The following DNAH8 variants were observed in gnomAD, a reference collection of about 807,000 sequenced individuals.
DNAH8 encodes axonemal beta dynein heavy chain 8.
A neutral mutation model predicts 562.1 loss-of-function variants in DNAH8; 382 were observed. That is an observed-to-expected ratio of 0.68 (90% CI 0.63 to 0.74). The LOEUF is 0.74. DNAH8 is among the 30% of genes least tolerant of loss of function. The probability of loss-of-function intolerance (pLI) is 0.00; values close to 1 mark genes in which losing one functional copy is unlikely to be tolerated. For missense variants in DNAH8, 5,203 were observed against 5,620.4 expected (o/e 0.93, Z 2.37); for synonymous variants, 1,881 against 1,919.4 (o/e 0.98, Z 0.52).
At chr6:38,813,908 AG>A in intron 24 of DNAH8, 145 bp from the exon 25 acceptor site, 1 of 667,790 alleles carries the variant, frequency 1.5e-6, no homozygotes, top group East Asian at 2.7e-5. Flanking sequence ...TCTGCAATTT[AG>A]GGTTCTGTTA....
Position 38,873,225 on chromosome 6 carries a change from C to G in DNAH8, c.7480-11C>G, listed in dbSNP as rs1385429290. 6.2e-7 allele frequency: 1 copy of G among 1,612,470 alleles called. No homozygotes were observed. Among genetic ancestry groups the G allele is most frequent in the East Asian group, 2.2e-5 (1 of 44,848 alleles). ...TTCTCAATAAACACAGATTCTGTTT[C>G]TTTGTTGCAGGCATGGTTGAAGAAA... On this transcript the variant is annotated splice_polypyrimidine_tract_variant and intron_variant, in intron 51 of 92. Transcript: ENST00000327475.
intron 8 of DNAH8, 90 bp downstream of exon 8, chr6:38,741,977 G>A (rs1764552899): frequency 9.2e-7 from 1 of 1,081,540 alleles, no homozygotes; most frequent in Non-Finnish European, 1.3e-6. Flanking sequence ...ATAATATACT[G>A]GAATCGTGTT....
At chr6:38,811,728 T>C (rs1456745781) in intron 24 of DNAH8, among the ~76,000 whole-genome samples, 5 of 152,224 alleles carry the variant, frequency 3.3e-5, no homozygotes, top group Admixed American at 2.0e-4. Context: ...CTTAGACATA[T>C]TCACGCATAC....
intron 11 of DNAH8, 141 bp downstream of exon 11, chr6:38,761,944 T>C (rs1364770096): frequency 4.2e-6 from 2 of 481,362 alleles, no homozygotes; most frequent in African/African-American, 4.1e-5. Flanking sequence ...ACAATTCTTA[T>C]TATCTATTTC....
chr6:38,809,467 G>C (rs1771599927), intron 24 of DNAH8, among the ~76,000 whole-genome samples: 1 of 152,156 alleles, frequency 6.6e-6, no homozygotes, highest in Non-Finnish European at 1.5e-5. Context: ...TTAATTAGTT[G>C]ACCAAGCAAA....
At chr6:38,968,929 T>C (rs1373706101) in intron 82 of DNAH8, among the ~76,000 whole-genome samples, 1 of 152,224 alleles carries the variant, frequency 6.6e-6, no homozygotes, top group Non-Finnish European at 1.5e-5. Flanking sequence ...GGTATATCCA[T>C]GCTGTGAACT....
At chr6:38,938,711 C>T in intron 78 of DNAH8, 87 bp from the exon 79 acceptor site, 1 of 894,302 alleles carries the variant, frequency 1.1e-6, no homozygotes, top group Non-Finnish European at 1.7e-6. Flanking sequence ...TACCGACGTA[C>T]AAACCTTCAT....
chr6:38,748,980 T>C (rs1765191137), intron 8 of DNAH8, among the ~76,000 whole-genome samples: 1 of 151,968 alleles, frequency 6.6e-6, no homozygotes, highest in East Asian at 1.9e-4. Context: ...GGTGATGTTT[T>C]GGCTTTTCTC....
At chr6:38,804,473 C>G (rs896632043) in intron 22 of DNAH8, among the ~76,000 whole-genome samples, 4 of 151,992 alleles carry the variant, frequency 2.6e-5, no homozygotes, top group Admixed American at 6.6e-5. Flanking sequence ...AGTCACGATC[C>G]CTGTTTACTA....
At chr6:38,951,709 G>A (rs963376542) in intron 82 of DNAH8, among the ~76,000 whole-genome samples, 189 bp downstream of exon 82, 1 of 151,988 alleles carries the variant, frequency 6.6e-6, no homozygotes, top group Non-Finnish European at 1.5e-5. Context: ...TCTTTGTTTA[G>A]AGAAGAACAT....
At position 38,973,661 on chromosome 6, in the gene DNAH8, G is replaced by A. The variant is rs1344978723; in HGVS notation, c.12526G>A (p.Gly4176Ser). The A allele has an allele frequency of 1.3e-6, 2 of 1,585,934 alleles. No individual in the cohort carries two copies. The highest frequency in any genetic ancestry group is 1.9e-5 in the Admixed American group (1 of 53,424). The change falls in exon 84 of 93, where the codon GGT (glycine) becomes AGT (serine). Residue 4176 changes from glycine (G) to serine (S), a missense_variant and splice_region_variant. Physicochemically the swap from Gly to Ser is moderately conservative, Grantham distance 56. Coordinates refer to ENST00000327475, the MANE Select transcript of DNAH8 (RefSeq NM_001206927.2). ...AATATGAACTTATTTTTGGATACAG[G>A]GTGGTTGGGTATTACTACAAAATTG... ...RKLIQMSMQQGGWVLLQNCHL... is the reference protein window; with the variant it reads ...RKLIQMSMQQSGWVLLQNCHL...
At chr6:38,761,114 TTTA>T (rs1210943729) in intron 10 of DNAH8, among the ~76,000 whole-genome samples, 7 of 150,502 alleles carry the variant, frequency 4.7e-5, no homozygotes, top group African/African-American at 1.7e-4. Flanking sequence ...TATTTTAAAT[TTTA>T]TTATTATTAT....
rs1053265759 is a variant in DNAH8, at chr6:38,801,389, C to A, written c.2902-1790C>A. Among the ~76,000 whole-genome samples the A allele has an allele frequency of 7.9e-5, 12 of 152,234 alleles. No individual in the cohort carries two copies. The South Asian group carries it at 2.5e-3, about 32-fold the overall frequency. On this transcript the variant is annotated intron_variant, in intron 21 of 92. Transcript: ENST00000327475. ...ATTTGTTTTGTGGGTATATTCTTTT[C>A]AAAAGATTACTGTATGTTATTTTGT...
At chr6:39,001,029 T>C (rs1765446684) in intron 88 of DNAH8, among the ~76,000 whole-genome samples, 1 of 152,006 alleles carries the variant, frequency 6.6e-6, no homozygotes, top group South Asian at 2.1e-4. Context: ...AGGAAGGGAA[T>C]GCAAACATGA....
At chr6:38,845,844 G>A in intron 36 of DNAH8, 71 bp downstream of exon 36, 2 of 1,299,106 alleles carry the variant, frequency 1.5e-6, no homozygotes, top group Non-Finnish European at 2.2e-6. Flanking sequence ...TAAAAGCTCA[G>A]TTTTAAAGCT....
At chr6:38,749,063 G>A (rs1398465654) in intron 8 of DNAH8, among the ~76,000 whole-genome samples, 1 of 151,956 alleles carries the variant, frequency 6.6e-6, no homozygotes, top group African/African-American at 2.4e-5. Flanking sequence ...TGTTGTGTGT[G>A]TCCCAAGTAG....
At chr6:38,986,269 C>T (rs1015945017) in intron 87 of DNAH8, among the ~76,000 whole-genome samples, 2 of 152,148 alleles carry the variant, frequency 1.3e-5, no homozygotes, top group African/African-American at 2.4e-5. Context: ...GCATATAATG[C>T]AGCACTTAGA....
Position 38,770,474 on chromosome 6 carries a change from C to G in DNAH8, c.1679C>G (p.Ser560Ter). The change falls in exon 12 of 93, where the codon TCA (serine) becomes TGA (stop). Residue 560 changes from serine (S) to a stop codon, truncating the protein, a stop_gained. Transcript: ENST00000327475. LOFTEE classifies it high-confidence loss of function. ...TTTCATAAAACAAGGAAACTGATTT[C>G]AGAATCCTCAGGGGAAAAATCTTTT... is the stretch of plus-strand genomic sequence containing the variant. ...ASFHKTRKLISESSGEKSFEV... is the reference protein window; with the variant it reads ...ASFHKTRKLI The G allele has an allele frequency of 6.2e-7, 1 of 1,607,870 alleles. No individual in the cohort carries two copies.
chr6:38,928,610 A>G (rs1184052191), intron 74 of DNAH8, among the ~76,000 whole-genome samples: 1 of 152,184 alleles, frequency 6.6e-6, no homozygotes, highest in East Asian at 1.9e-4. Flanking sequence ...TATATTTCAT[A>G]TCTTCTTTTT....
Sources: gnomAD v4.1 joint callset for allele counts (sites outside exome capture counted in the v4.1 genomes callset) on GRCh38, gnomAD v4.1.1 for gene constraint, MANE v1.5 for transcripts, NCBI Gene and HGNC (gene_info 2026-07-23, HGNC 2026-07-21) for gene names.